Variants in RGS5 observed in about 807,000 individuals in gnomAD.
RGS5 encodes regulator of G protein signaling 5.
In RGS5, 20 loss-of-function variants were observed where a neutral mutation model predicts 18.9. The observed-to-expected ratio is 1.06, with a 90% CI of 0.74 to 1.54. The LOEUF is 1.54. Among genes scored for constraint, RGS5 ranks in the 40% most tolerant of loss-of-function variants. The probability of loss-of-function intolerance (pLI) is 0.00; values close to 1 mark genes in which losing one functional copy is unlikely to be tolerated. For missense variants in RGS5, 201 were observed against 211.8 expected (o/e 0.95, Z 0.32); for synonymous variants, 57 against 76.2 (o/e 0.75, Z 1.31).
At chr1:163,162,077 T>C in intron 2 of RGS5, 101 bp from the exon 3 acceptor site, 2 of 824,686 alleles carry the variant, frequency 2.4e-6, no homozygotes, top group Non-Finnish European at 4.3e-6. Context: ...ATGGAAATGA[T>C]ATGACTGCTG....
intron 2 of RGS5, among the ~76,000 whole-genome samples, chr1:163,302,120 C>T (rs1210275069): frequency 6.6e-6 from 1 of 151,436 alleles, no homozygotes; most frequent in African/African-American, 2.4e-5. Flanking sequence ...GCATCTTCAC[C>T]TGCTACAATA....
Position 163,147,488 on chromosome 1 carries a change from A to G in RGS5, c.400T>C (p.Phe134Leu). 1.2e-6 allele frequency: 2 copies of G among 1,601,796 alleles called. No homozygotes were observed. The highest frequency in any genetic ancestry group is 1.7e-6 in the Non-Finnish European group (2 of 1,174,732). The change falls in exon 5 of 5, where the codon TTC becomes CTC. Residue 134 changes from phenylalanine (F) to leucine (L), a missense_variant. Coordinates refer to ENST00000313961, the MANE Select transcript of RGS5 (RefSeq NM_003617.4). ...EAPKEVNIDH[F>L]TKDITMKNLV... ...TTCTTCATTGTGATGTCCTTAGTGAAGTGGTCAATATTCACCTGTGGGCCA... is the reference window on the plus strand; with the variant it reads ...TTCTTCATTGTGATGTCCTTAGTGAGGTGGTCAATATTCACCTGTGGGCCA...
chr1:163,164,274 T>C (rs1657938739), intron 2 of RGS5, among the ~76,000 whole-genome samples: 1 of 152,214 alleles, frequency 6.6e-6, no homozygotes, highest in African/African-American at 2.4e-5. Flanking sequence ...ATAAATGTTC[T>C]GGTTTGCAAG....
At position 163,168,347 on chromosome 1, in the gene RGS5, C is replaced by T. The variant is rs1346060751; in HGVS notation, c.66G>A (p.Lys22=). Residue 22 remains lysine (K), a synonymous_variant, in exon 2 of 5, where the codon AAG becomes AAA. Coordinates refer to ENST00000313961, the MANE Select transcript of RGS5 (RefSeq NM_003617.4). ...CTGGCTTCTGGAGGAGAATTCCCAACTTGATCTTAATCTCCTTGGCCCTGA... is the reference window on the plus strand; with the variant it reads ...CTGGCTTCTGGAGGAGAATTCCCAATTTGATCTTAATCTCCTTGGCCCTGA... ...CLERAKEIKI[K]LGILLQKPDS... The T allele has an allele frequency of 1.2e-6, 2 of 1,613,664 alleles. No homozygotes were observed. Among genetic ancestry groups the T allele is most frequent in the Non-Finnish European group, 1.7e-6 (2 of 1,179,656 alleles).
intron 1 of RGS5, among the ~76,000 whole-genome samples, chr1:163,213,592 C>T (rs543569471): frequency 1.3e-5 from 2 of 152,296 alleles, no homozygotes; most frequent in South Asian, 2.1e-4. Context: ...TGTTTACAGC[C>T]TGGAGAGCCT....
chr1:163,275,979 C>T (rs1648842223), intron 2 of RGS5, among the ~76,000 whole-genome samples: 1 of 152,034 alleles, frequency 6.6e-6, no homozygotes, highest in Non-Finnish European at 1.5e-5. Flanking sequence ...TAAGAGTCTA[C>T]CTCCTGCATT....
Position 163,229,288 on chromosome 1 carries a change from G to A in RGS5, c.-280-60920C>T, listed in dbSNP as rs144130454. On this transcript the variant is annotated intron_variant, in intron 2 of 5. Coordinates refer to the RGS5 transcript ENST00000618415. ...TTCACAGGGCAGCAGGGGAGAGAAT[G>A]AGTGCAAGCAGGGGAAATGCCAAAC... Among the ~76,000 whole-genome samples, 127 of 152,274 alleles carry A rather than the reference G, an allele frequency of 8.3e-4. 1 individual carries two copies. In the East Asian group the frequency reaches 0.019, roughly 22 times the overall value.
At chr1:163,244,407 T>C (rs931520408) in intron 2 of RGS5, 2 of 152,216 alleles carry the variant, frequency 1.3e-5, no homozygotes, top group African/African-American at 2.4e-5. Flanking sequence ...CTCCAAAGCA[T>C]TTAACCCAGC....
chr1:163,233,283 C>A (rs1647531443), intron 2 of RGS5, among the ~76,000 whole-genome samples: 1 of 152,144 alleles, frequency 6.6e-6, no homozygotes, highest in Non-Finnish European at 1.5e-5. Flanking sequence ...ACTTTGACCA[C>A]CTGATTAAAA....
At chr1:163,292,174 C>A (rs1476213689) in intron 2 of RGS5, among the ~76,000 whole-genome samples, 1 of 152,208 alleles carries the variant, frequency 6.6e-6, no homozygotes, top group South Asian at 2.1e-4. Context: ...TCTTCTACCC[C>A]CCACCCTCTG....
At chr1:163,302,100 T>C (rs1649568835) in intron 2 of RGS5, among the ~76,000 whole-genome samples, 1 of 152,026 alleles carries the variant, frequency 6.6e-6, no homozygotes, top group Non-Finnish European at 1.5e-5. Context: ...TTTTTTTAAA[T>C]CTCTTGGGAG....
Position 163,146,240 on chromosome 1 carries a change from C to CA in RGS5, c.*1101_*1102insT, listed in dbSNP as rs1290100482. ...GAATACTGGGGTTGCTAAAAGATTA[C>CA]TTTTTTTTTTTTTTTTTGCAAAATG... is the stretch of plus-strand genomic sequence containing the variant. On this transcript the variant is annotated 3_prime_UTR_variant, in exon 5 of 5. Coordinates refer to ENST00000313961, the MANE Select transcript of RGS5 (RefSeq NM_003617.4). 8.0e-6 allele frequency: 1 copy of CA among 125,262 alleles called. No individual in the cohort carries two copies. The highest frequency in any genetic ancestry group is 3.3e-5 in the African/African-American group (1 of 30,060). The allele number at this position is 125,262 out of a possible 1,614,324, so 7.8% of individuals were successfully genotyped here.
chr1:163,290,599 T>C (rs563806680), intron 2 of RGS5, among the ~76,000 whole-genome samples: 294 of 149,018 alleles, frequency 2.0e-3, no homozygotes, highest in African/African-American at 7.0e-3. Flanking sequence ...TTCTCTCTCA[T>C]GGCAACCAGC....
intron 3 of RGS5, among the ~76,000 whole-genome samples, chr1:163,160,067 C>T (rs536931336): frequency 6.6e-6 from 1 of 152,272 alleles, no homozygotes; most frequent in South Asian, 2.1e-4. Flanking sequence ...TAGCTTAACT[C>T]TCTTTAACTC....
intron 2 of RGS5, among the ~76,000 whole-genome samples, chr1:163,223,097 G>C (rs529850769): frequency 6.6e-6 from 1 of 151,972 alleles, no homozygotes; most frequent in Non-Finnish European, 1.5e-5. Context: ...CTCCCACCTC[G>C]GTCTCTCAAA....
chr1:163,266,039 G>A (rs1490808948), intron 2 of RGS5, among the ~76,000 whole-genome samples: 1 of 152,088 alleles, frequency 6.6e-6, no homozygotes, highest in African/African-American at 2.4e-5. Flanking sequence ...GACTCCAGGT[G>A]GAGGCTGCAA....
chr1:163,263,835 TTA>T (rs952158959), intron 2 of RGS5, among the ~76,000 whole-genome samples: 1 of 151,086 alleles, frequency 6.6e-6, no homozygotes, highest in African/African-American at 2.4e-5. Flanking sequence ...CATCCATTTT[TTA>T]TGTTGTTTTT....
intron 1 of RGS5, among the ~76,000 whole-genome samples, chr1:163,320,145 T>C (rs1650147317): frequency 6.6e-6 from 1 of 152,190 alleles, no homozygotes. Flanking sequence ...CCATGGTCCA[T>C]TCTAATCTTG....
intron 2 of RGS5, among the ~76,000 whole-genome samples, chr1:163,225,575 C>A (rs1227384772): frequency 1.3e-5 from 2 of 151,982 alleles, no homozygotes; most frequent in African/African-American, 4.8e-5. Flanking sequence ...AATACACCCA[C>A]CCACACCCCC....
Sources: allele counts gnomAD v4.1 joint callset (sites outside exome capture counted in the v4.1 genomes callset), GRCh38; gene constraint gnomAD v4.1.1; transcripts MANE v1.5; gene names NCBI Gene and HGNC (gene_info 2026-07-23, HGNC 2026-07-21).